The following ITPR1 variants were observed in gnomAD, a reference collection of about 807,000 sequenced individuals.
ITPR1 encodes the protein inositol 1,4,5-trisphosphate-gated calcium channel ITPR1.
Under a neutral mutation model 318.4 loss-of-function variants are expected in ITPR1, and 96 were observed. That is an observed-to-expected ratio of 0.30 (90% CI 0.26 to 0.36). The LOEUF is 0.36. Among genes scored for constraint, ITPR1 ranks in the 10% least tolerant of loss-of-function variants. The pLI, the probability that ITPR1 is intolerant of heterozygous loss-of-function variation, is 1.00. For synonymous variants in ITPR1, 1,312 were observed against 1,289.9 expected (o/e 1.02, Z -0.37); for missense variants, 2,440 against 3,460.2 (o/e 0.71, Z 7.40).
intron 46 of ITPR1, among the ~76,000 whole-genome samples, chr3:4,774,547 A>T (rs768556906): frequency 5.3e-5 from 8 of 152,244 alleles, no homozygotes; most frequent in Admixed American, 2.6e-4. Flanking sequence ...CTCCTCATTA[A>T]AATACTCTAT....
At chr3:4,795,527 A>G (rs1167105395) in intron 53 of ITPR1, among the ~76,000 whole-genome samples, 1 of 152,240 alleles carries the variant, frequency 6.6e-6, no homozygotes, top group African/African-American at 2.4e-5. Flanking sequence ...ATAGCTAACT[A>G]ATGGCAGAGC....
chr3:4,839,267 T>G (rs113503487), intron 61 of ITPR1, among the ~76,000 whole-genome samples: 1,855 of 151,314 alleles, frequency 0.012, 17 homozygotes, highest in Non-Finnish European at 0.019. Context: ...GCGGAGGTTG[T>G]GGTGAGCCGA....
chr3:4,735,078 G>A, intron 43 of ITPR1, 86 bp from the exon 44 acceptor site: 1 of 983,586 alleles, frequency 1.0e-6, no homozygotes. Context: ...AGCATTTAGT[G>A]CATAAAGTGT....
chr3:4,800,614 C>T lies in ITPR1; in HGVS notation c.7107+14C>T. On this transcript the variant is annotated intron_variant, in intron 54 of 61. Transcript: ENST00000649015. ...GGCGCTTTCAATGTAAGTGTGAATA[C>T]CTTCCTTGCCACTGTTTTGTTTGCA... The T allele has an allele frequency of 6.2e-7, 1 of 1,611,418 alleles. No individual in the cohort carries two copies. The highest frequency in any genetic ancestry group is 8.5e-7 in the Non-Finnish European group (1 of 1,177,760).
rs541954227 is a variant in ITPR1, at chr3:4,667,620, T to C, written c.1886+71T>C. 218 of 1,418,126 alleles carry C rather than the reference T, an allele frequency of 1.5e-4. 1 individual carries two copies. The African/African-American group carries it at 2.5e-3, about 17-fold the overall frequency. 87.8% of individuals were successfully genotyped at this position (1,418,126 alleles called of 1,614,324 possible). A position where few individuals can be genotyped will look rare whatever the true frequency, so the allele number is the denominator to read the frequency against. ...AGATGCAGGGACTTAGCTGGTGCTT[T>C]TTACTACGTTTCCTTGTGCTGCTAG... is the stretch of plus-strand genomic sequence containing the variant. On this transcript the variant is annotated intron_variant, in intron 18 of 61. Transcript: ENST00000649015.
chr3:4,777,346 A>T lies in ITPR1; in HGVS notation c.6263A>T (p.Lys2088Met), dbSNP rs776981412. 6.2e-7 allele frequency: 1 copy of T among 1,602,608 alleles called. No homozygotes were observed. The highest frequency in any genetic ancestry group is 8.5e-7 in the Non-Finnish European group (1 of 1,173,466). Residue 2088 changes from lysine (K) to methionine (M), a missense_variant, in exon 48 of 62, where the codon AAG (lysine) becomes ATG (methionine). By Grantham distance (95) the Lys-to-Met change is moderately conservative. Coordinates refer to ENST00000649015, the MANE Select transcript of ITPR1 (RefSeq NM_001378452.1). ...ILNDINPLGK[K>M]RMDLVLELKN... ...AATGATATCAATCCTTTGGGAAAGAAGAGGATGGACCTTGTGTTAGAACTG... is the reference window on the plus strand; with the variant it reads ...AATGATATCAATCCTTTGGGAAAGATGAGGATGGACCTTGTGTTAGAACTG...
At chr3:4,542,029 A>C (rs2084507292) in intron 4 of ITPR1, among the ~76,000 whole-genome samples, 1 of 152,026 alleles carries the variant, frequency 6.6e-6, no homozygotes, top group African/African-American at 2.4e-5. Flanking sequence ...TTCTATTATA[A>C]TCTGCTCTGT....
At chr3:4,715,995 T>A (rs1398952168) in intron 39 of ITPR1, among the ~76,000 whole-genome samples, 5 of 152,206 alleles carry the variant, frequency 3.3e-5, no homozygotes, top group South Asian at 2.1e-4. Flanking sequence ...GGACCACCAA[T>A]GCATATACTT....
chr3:4,647,677 C>T (rs1252108299), intron 10 of ITPR1, among the ~76,000 whole-genome samples: 1 of 152,198 alleles, frequency 6.6e-6, no homozygotes, highest in African/African-American at 2.4e-5. Flanking sequence ...GTTGGATTTG[C>T]ATCCCCTGTT....
At chr3:4,529,370 T>G (rs2083232421) in intron 4 of ITPR1, among the ~76,000 whole-genome samples, 1 of 152,232 alleles carries the variant, frequency 6.6e-6, no homozygotes, top group African/African-American at 2.4e-5. Flanking sequence ...GATTTGGAAA[T>G]CTCAGCAAGC....
chr3:4,500,122 C>T (rs2080910637), intron 2 of ITPR1, among the ~76,000 whole-genome samples: 1 of 152,230 alleles, frequency 6.6e-6, no homozygotes, highest in East Asian at 1.9e-4. Context: ...GTTCCAGGCT[C>T]ATCTTCTCTA....
intron 39 of ITPR1, among the ~76,000 whole-genome samples, chr3:4,712,434 T>C (rs1160067102): frequency 6.6e-6 from 1 of 152,254 alleles, no homozygotes. Flanking sequence ...ACACCTCTGA[T>C]GTTGGGTAGA....
chr3:4,636,948 T>C (rs929679020), intron 5 of ITPR1, among the ~76,000 whole-genome samples: 2 of 152,356 alleles, frequency 1.3e-5, no homozygotes, highest in East Asian at 1.9e-4. Context: ...GCTGTTGTTA[T>C]ACTGTACTTA....
chr3:4,712,277 T>G lies in ITPR1; in HGVS notation c.5103+409T>G, dbSNP rs181849997. ...ATGAGCTGTTGCGCAATCCTTTCAGTGCATCAAGAAACGCCCTCCACTTCT... is the reference window on the plus strand; with the variant it reads ...ATGAGCTGTTGCGCAATCCTTTCAGGGCATCAAGAAACGCCCTCCACTTCT... On this transcript the variant is annotated intron_variant, in intron 39 of 61. Coordinates refer to ENST00000649015, the MANE Select transcript of ITPR1 (RefSeq NM_001378452.1). Among the ~76,000 whole-genome samples the G allele has an allele frequency of 4.6e-5, 7 of 152,338 alleles. No individual in the cohort carries two copies. In the East Asian group the frequency reaches 1.3e-3, roughly 29 times the overall value.
intron 44 of ITPR1, among the ~76,000 whole-genome samples, chr3:4,757,714 G>A (rs1175142420): frequency 6.6e-6 from 1 of 152,220 alleles, no homozygotes; most frequent in Non-Finnish European, 1.5e-5. Flanking sequence ...TGCTTCTGAG[G>A]ATGAAATGAG....
intron 2 of ITPR1, among the ~76,000 whole-genome samples, chr3:4,513,064 G>A (rs115761472): frequency 7.1e-4 from 108 of 152,268 alleles, no homozygotes; most frequent in African/African-American, 2.4e-3. Context: ...TGACATAGGA[G>A]CCCTGAGTGC....
chr3:4,636,603 A>AT (rs1423705298), intron 5 of ITPR1, among the ~76,000 whole-genome samples: 2 of 152,004 alleles, frequency 1.3e-5, no homozygotes. Context: ...TAATTTTTGT[A>AT]TTTTTAGTAG....
At chr3:4,716,829 G>T (rs2041800392) in intron 39 of ITPR1, among the ~76,000 whole-genome samples, 1 of 152,166 alleles carries the variant, frequency 6.6e-6, no homozygotes, top group African/African-American at 2.4e-5. Flanking sequence ...ATCCTAGAGG[G>T]AATATAGTTT....
chr3:4,831,667 C>A (rs557641261), intron 60 of ITPR1, among the ~76,000 whole-genome samples: 1 of 152,320 alleles, frequency 6.6e-6, no homozygotes, highest in South Asian at 2.1e-4. Flanking sequence ...GACACTGAGA[C>A]ACGTTTTTGA....
Sources: allele counts gnomAD v4.1 joint callset (sites outside exome capture counted in the v4.1 genomes callset), GRCh38; gene constraint gnomAD v4.1.1; transcripts MANE v1.5; gene names NCBI Gene and HGNC (gene_info 2026-07-23, HGNC 2026-07-21).